Variants in ADAMTSL1 observed in about 807,000 individuals in gnomAD.
ADAMTSL1 encodes ADAMTS-like protein 1.
A neutral mutation model predicts 201.8 loss-of-function variants in ADAMTSL1; 126 were observed. The ratio of observed to expected loss-of-function variants is 0.62; its 90% CI spans 0.54 to 0.72. The LOEUF is 0.72. Among genes scored for constraint, ADAMTSL1 ranks in the 30% least tolerant of loss-of-function variants. The pLI, the probability that ADAMTSL1 is intolerant of heterozygous loss-of-function variation, is 0.00. For synonymous variants in ADAMTSL1, 1,121 were observed against 903.4 expected, an observed-to-expected ratio of 1.24 and a Z score of -4.32; for missense variants, 2,679 against 2,277.8, an observed-to-expected ratio of 1.18 and a Z score of -3.59.
intron 1 of ADAMTSL1, among the ~76,000 whole-genome samples, chr9:17,964,528 C>T (rs769792874): frequency 7.3e-5 from 11 of 151,406 alleles, no homozygotes; most frequent in African/African-American, 1.7e-4. Context: ...ACAGTAGTGG[C>T]GAATACATGA....
intron 3 of ADAMTSL1, among the ~76,000 whole-genome samples, chr9:18,569,754 G>A (rs1019918017): frequency 6.6e-6 from 1 of 152,096 alleles, no homozygotes. Flanking sequence ...GCCAAGTTCA[G>A]TGCAAAAATA....
intron 2 of ADAMTSL1, among the ~76,000 whole-genome samples, chr9:18,287,668 T>C (rs1379951607): frequency 1.3e-5 from 2 of 151,270 alleles, no homozygotes; most frequent in African/African-American, 4.9e-5. Flanking sequence ...CATATATGTA[T>C]GTGTATACAT....
chr9:18,031,095 A>AT (rs967527862), intron 1 of ADAMTSL1, among the ~76,000 whole-genome samples: 2 of 151,692 alleles, frequency 1.3e-5, no homozygotes, highest in African/African-American at 2.4e-5. Context: ...ATTAGATTTC[A>AT]TTTTTTTCTT....
At chr9:17,943,158 T>A (rs998276952) in intron 1 of ADAMTSL1, among the ~76,000 whole-genome samples, 2 of 152,126 alleles carry the variant, frequency 1.3e-5, no homozygotes, top group Non-Finnish European at 2.9e-5. Context: ...CCCAGGCTGT[T>A]CTTGAACTCC....
At chr9:18,255,971 C>G (rs1262453286) in intron 2 of ADAMTSL1, among the ~76,000 whole-genome samples, 1 of 152,174 alleles carries the variant, frequency 6.6e-6, no homozygotes, top group Non-Finnish European at 1.5e-5. Flanking sequence ...TCAAAGAGCC[C>G]TGTTTTTGAT....
chr9:18,339,995 C>G (rs961210666), intron 2 of ADAMTSL1, among the ~76,000 whole-genome samples: 2 of 152,164 alleles, frequency 1.3e-5, no homozygotes, highest in Non-Finnish European at 2.9e-5. Context: ...ATTCTCACAG[C>G]AAGGTCAGCA....
intron 1 of ADAMTSL1, among the ~76,000 whole-genome samples, chr9:17,939,106 C>G (rs1332517759): frequency 6.6e-6 from 1 of 152,058 alleles, no homozygotes; most frequent in Non-Finnish European, 1.5e-5. Context: ...TTGATACCTT[C>G]CACTCATAGC....
rs13288937 is a variant in ADAMTSL1 at position 18,117,255 on chromosome 9, C to A, written c.88-46607C>A. Among the ~76,000 whole-genome samples the A allele has an allele frequency of 7.4e-3, 1,120 of 152,298 alleles. 8 individuals are homozygous for A. Among genetic ancestry groups the A allele is most frequent in the Non-Finnish European group, 0.012 (814 of 68,016 alleles). ...GCTAATGTCCTTCTTCTGCTAAAAT[C>A]TCTGTTGTCTGCCCCTCTTTCAGAG... On this transcript the variant is annotated intron_variant, in intron 1 of 29. Transcript: ENST00000680146.
At chr9:18,685,503 A>G (rs1830776108) in intron 13 of ADAMTSL1, among the ~76,000 whole-genome samples, 1 of 152,222 alleles carries the variant, frequency 6.6e-6, no homozygotes, top group South Asian at 2.1e-4. Flanking sequence ...AGGGGATACA[A>G]TTGATTGAAA....
chr9:18,612,976 G>C (rs1018033040), intron 4 of ADAMTSL1, among the ~76,000 whole-genome samples: 1 of 152,002 alleles, frequency 6.6e-6, no homozygotes, highest in Non-Finnish European at 1.5e-5. Context: ...TCTGACAAAG[G>C]TCTAACATCC....
intron 2 of ADAMTSL1, among the ~76,000 whole-genome samples, chr9:18,241,491 A>G (rs1162133918): frequency 6.6e-6 from 1 of 152,118 alleles, no homozygotes; most frequent in Non-Finnish European, 1.5e-5. Context: ...CAGGCTATTA[A>G]TATTCCCTTC....
intron 19 of ADAMTSL1, among the ~76,000 whole-genome samples, chr9:18,789,427 C>T (rs1439330761): frequency 6.6e-6 from 1 of 152,132 alleles, no homozygotes; most frequent in Non-Finnish European, 1.5e-5. Flanking sequence ...GATTTGATCC[C>T]ATCATTAATG....
At chr9:18,064,841 T>C (rs746547988) in intron 1 of ADAMTSL1, among the ~76,000 whole-genome samples, 15 of 151,806 alleles carry the variant, frequency 9.9e-5, no homozygotes, top group Admixed American at 6.6e-4. Flanking sequence ...TTTCTGGAGA[T>C]GTCTTTGAGT....
chr9:18,053,161 T>C (rs193212316), intron 1 of ADAMTSL1, among the ~76,000 whole-genome samples: 6 of 152,266 alleles, frequency 3.9e-5, no homozygotes, highest in Non-Finnish European at 7.4e-5. Context: ...ACTTTTTGCC[T>C]GAGAATGCAG....
chr9:18,600,570 GT>G (rs1478981623), intron 4 of ADAMTSL1, among the ~76,000 whole-genome samples: 5 of 152,142 alleles, frequency 3.3e-5, no homozygotes, highest in Admixed American at 1.3e-4. Flanking sequence ...TGGTTTTTGG[GT>G]TTCTATGAGA....
chr9:18,894,310 A>G (rs1252119216), intron 26 of ADAMTSL1, among the ~76,000 whole-genome samples: 1 of 148,338 alleles, frequency 6.7e-6, no homozygotes, highest in Non-Finnish European at 1.5e-5. Context: ...TACCACTTTC[A>G]CTACTCCAGC....
chr9:18,039,032 A>C (rs927145459), intron 1 of ADAMTSL1, among the ~76,000 whole-genome samples: 1 of 152,230 alleles, frequency 6.6e-6, no homozygotes, highest in African/African-American at 2.4e-5. Context: ...AGCCTAACCC[A>C]GATATATATG....
chr9:18,860,932 G>C (rs1411903550), intron 23 of ADAMTSL1, among the ~76,000 whole-genome samples: 2 of 152,240 alleles, frequency 1.3e-5, no homozygotes, highest in African/African-American at 4.8e-5. Context: ...TTTCAAATCT[G>C]CTGTCCTTGG....
chr9:18,845,074 T>C (rs1246316429), intron 23 of ADAMTSL1, among the ~76,000 whole-genome samples: 1 of 152,170 alleles, frequency 6.6e-6, no homozygotes, highest in Non-Finnish European at 1.5e-5. Context: ...TGGCACTCCC[T>C]AGTGAGATGA....
Sources: allele counts gnomAD v4.1 joint callset (sites outside exome capture counted in the v4.1 genomes callset), GRCh38; gene constraint gnomAD v4.1.1; transcripts MANE v1.5; gene names NCBI Gene and HGNC (gene_info 2026-07-23, HGNC 2026-07-21).